Variants in CTNND2 observed in about 807,000 individuals in gnomAD.
The protein encoded by CTNND2 is catenin delta 2.
CTNND2 carries 22 observed loss-of-function variants against 144.4 expected under a neutral mutation model. That is an observed-to-expected ratio of 0.15 (90% CI 0.11 to 0.22). CTNND2 has a LOEUF of 0.22. Ranked by LOEUF, CTNND2 falls within the 10% of genes least tolerant of loss-of-function variation. The pLI, the probability that CTNND2 is intolerant of heterozygous loss-of-function variation, is 1.00. For missense variants in CTNND2, 1,353 were observed against 1,618.8 expected, an observed-to-expected ratio of 0.84 and a Z score of 2.82; for synonymous variants, 751 against 695.6, an observed-to-expected ratio of 1.08 and a Z score of -1.25.
At chr5:11,831,246 A>T (rs1285934975) in intron 1 of CTNND2, among the ~76,000 whole-genome samples, 1 of 151,926 alleles carries the variant, frequency 6.6e-6, no homozygotes, top group African/African-American at 2.4e-5. Context: ...TTAACAGAAA[A>T]AAAAAAAAAA....
At chr5:11,592,582 T>A (rs565411593) in intron 2 of CTNND2, among the ~76,000 whole-genome samples, 128 of 152,162 alleles carry the variant, frequency 8.4e-4, no homozygotes, top group Admixed American at 1.4e-3. Context: ...GCAAAAATGT[T>A]TACTCTTGAC....
rs201489165 is a variant in CTNND2 at position 11,019,321 on chromosome 5, T to G, written c.3000-1263A>C. On this transcript the variant is annotated intron_variant, in intron 17 of 21. Transcript: ENST00000304623. ...GCTGAACAAAGATTAAATGTGATGT[T>G]TTGTTGTATTTTATCATTTAGCTAA... 6.6e-5 allele frequency among the ~76,000 whole-genome samples: 10 copies of G among 152,302 alleles called. No homozygotes were observed. The East Asian group carries it at 1.9e-3, about 29-fold the overall frequency.
intron 14 of CTNND2, among the ~76,000 whole-genome samples, chr5:11,100,840 T>C (rs1379640318): frequency 6.6e-6 from 1 of 152,182 alleles, no homozygotes; most frequent in Admixed American, 6.5e-5. Context: ...GCATGCTCGT[T>C]ACAAAAAAGA....
At chr5:11,479,917 A>G (rs1239293096) in intron 3 of CTNND2, among the ~76,000 whole-genome samples, 1 of 152,120 alleles carries the variant, frequency 6.6e-6, no homozygotes, top group Admixed American at 6.6e-5. Flanking sequence ...GGATCTTTGT[A>G]AGATGCATAG....
At chr5:11,141,527 A>C (rs1168417311) in intron 12 of CTNND2, among the ~76,000 whole-genome samples, 1 of 152,208 alleles carries the variant, frequency 6.6e-6, no homozygotes, top group Admixed American at 6.5e-5. Flanking sequence ...TATTCTAAGA[A>C]TAGTTATAGA....
At chr5:11,682,123 A>G (rs1784444491) in intron 2 of CTNND2, among the ~76,000 whole-genome samples, 1 of 152,200 alleles carries the variant, frequency 6.6e-6, no homozygotes, top group Non-Finnish European at 1.5e-5. Flanking sequence ...GTCATAGAGC[A>G]TTTGAATTAT....
At chr5:11,019,191 C>G (rs1741963165) in intron 17 of CTNND2, among the ~76,000 whole-genome samples, 1 of 152,132 alleles carries the variant, frequency 6.6e-6, no homozygotes, top group Admixed American at 6.5e-5. Flanking sequence ...ACCAAAACTA[C>G]AATATCTCTA....
At position 11,233,716 on chromosome 5, in the gene CTNND2, CTGTGTG is replaced by C. The variant is rs3033106; in HGVS notation, c.1761+2969_1761+2974del. Among the ~76,000 whole-genome samples the C allele has an allele frequency of 6.3e-3, 935 of 148,318 alleles. 8 individuals carry two copies. The highest frequency in any genetic ancestry group is 0.017 in the South Asian group (79 of 4,618). Reference sequence around the variant, plus strand: ...AGAATCCTTATTAGAGTTTACGTGTCTGTGTGTGTGTGTGTGTGTGTGTGTGTGTGT... The same window carrying C: ...AGAATCCTTATTAGAGTTTACGTGTCTGTGTGTGTGTGTGTGTGTGTGTGT... On this transcript the variant is annotated intron_variant, in intron 10 of 21. Transcript: ENST00000304623.
intron 9 of CTNND2, among the ~76,000 whole-genome samples, chr5:11,252,857 A>C (rs1284193729): frequency 1.3e-5 from 2 of 152,238 alleles, no homozygotes; most frequent in Admixed American, 1.3e-4. Context: ...AGTAAAATTC[A>C]TCTACTGTAG....
chr5:11,891,312 T>A (rs1437881024), intron 1 of CTNND2, among the ~76,000 whole-genome samples: 1 of 152,222 alleles, frequency 6.6e-6, no homozygotes, highest in Admixed American at 6.5e-5. Flanking sequence ...AAGAGCTTCA[T>A]ATTATCCATC....
At chr5:11,471,780 A>G (rs1338121756) in intron 3 of CTNND2, among the ~76,000 whole-genome samples, 1 of 152,222 alleles carries the variant, frequency 6.6e-6, no homozygotes, top group Non-Finnish European at 1.5e-5. Flanking sequence ...AGGAGTTACC[A>G]ATGCCAAAAA....
intron 2 of CTNND2, among the ~76,000 whole-genome samples, chr5:11,723,395 G>A (rs1786797508): frequency 6.6e-6 from 1 of 152,070 alleles, no homozygotes; most frequent in Non-Finnish European, 1.5e-5. Context: ...CAATTTGGGG[G>A]CCTAGGATTC....
intron 16 of CTNND2, among the ~76,000 whole-genome samples, chr5:11,066,329 C>T (rs369900550): frequency 1.5e-4 from 23 of 152,346 alleles, no homozygotes; most frequent in South Asian, 8.3e-4. Context: ...TGCGCCACCG[C>T]GCCCAGCCTT....
At chr5:11,507,270 A>C (rs1771146523) in intron 3 of CTNND2, among the ~76,000 whole-genome samples, 1 of 152,236 alleles carries the variant, frequency 6.6e-6, no homozygotes. Flanking sequence ...TGAAGAATCA[A>C]GTCCAGGCTT....
At chr5:11,463,854 CA>C (rs34924245) in intron 3 of CTNND2, among the ~76,000 whole-genome samples, 373 of 123,294 alleles carry the variant, frequency 3.0e-3, no homozygotes, top group Non-Finnish European at 3.9e-3. Context: ...GCGTCCCTTA[CA>C]AAAAAAAAAA....
chr5:11,544,914 C>T (rs1007032894), intron 3 of CTNND2, among the ~76,000 whole-genome samples: 11 of 151,624 alleles, frequency 7.3e-5, no homozygotes, highest in African/African-American at 2.4e-4. Flanking sequence ...GTCAGGAGTT[C>T]AAGACTAGCC....
At chr5:11,804,778 C>G (rs1448999298) in intron 1 of CTNND2, among the ~76,000 whole-genome samples, 1 of 152,158 alleles carries the variant, frequency 6.6e-6, no homozygotes, top group Non-Finnish European at 1.5e-5. Context: ...CATGACACTA[C>G]TCATTTGTCA....
At chr5:11,850,260 A>G (rs1298888712) in intron 1 of CTNND2, among the ~76,000 whole-genome samples, 3 of 152,108 alleles carry the variant, frequency 2.0e-5, no homozygotes, top group African/African-American at 7.2e-5. Context: ...CCAAAACTCC[A>G]TGGAAATGAG....
intron 1 of CTNND2, among the ~76,000 whole-genome samples, chr5:11,867,962 C>T (rs1795850794): frequency 6.6e-6 from 1 of 151,526 alleles, no homozygotes; most frequent in Non-Finnish European, 1.5e-5. Flanking sequence ...TATCATGGAG[C>T]TAGTTCCCTA....
Sources: gnomAD v4.1 joint callset for allele counts (sites outside exome capture counted in the v4.1 genomes callset) on GRCh38, gnomAD v4.1.1 for gene constraint, MANE v1.5 for transcripts, NCBI Gene and HGNC (gene_info 2026-07-23, HGNC 2026-07-21) for gene names.